Variants in SNX29 observed in about 807,000 individuals in gnomAD.
The protein encoded by SNX29 is sorting nexin-29.
Under a neutral mutation model 102.1 loss-of-function variants are expected in SNX29, and 78 were observed. The observed-to-expected ratio is 0.76, with a 90% CI of 0.64 to 0.92. The LOEUF (loss-of-function observed/expected upper bound fraction) is 0.92, where lower values mean the gene tolerates loss of function less well. Ranked by LOEUF, SNX29 falls within the 40% of genes least tolerant of loss-of-function variation. The pLI is 0.00. For missense variants in SNX29, 1,280 were observed against 1,061.7 expected, an observed-to-expected ratio of 1.21 and a Z score of -2.86; for synonymous variants, 580 against 414.5, an observed-to-expected ratio of 1.40 and a Z score of -4.85.
At chr16:12,280,524 C>T (rs554382519) in intron 15 of SNX29, among the ~76,000 whole-genome samples, 163 of 151,450 alleles carry the variant, frequency 1.1e-3, no homozygotes, top group Middle Eastern at 3.4e-3. Context: ...TCTTTTCCTT[C>T]TTGTTTGTTT....
intron 16 of SNX29, among the ~76,000 whole-genome samples, chr16:12,363,036 A>G (rs2082352014): frequency 6.6e-6 from 1 of 152,160 alleles, no homozygotes; most frequent in Admixed American, 6.5e-5. Flanking sequence ...TGCAGGACAG[A>G]GACAGCCATT....
At chr16:12,186,548 G>A (rs1403807839) in intron 13 of SNX29, among the ~76,000 whole-genome samples, 1 of 152,172 alleles carries the variant, frequency 6.6e-6, no homozygotes, top group Non-Finnish European at 1.5e-5. Context: ...ATTATGACGT[G>A]ATATTTAGGC....
chr16:12,297,587 T>C (rs1048185119), intron 15 of SNX29, among the ~76,000 whole-genome samples: 1 of 152,070 alleles, frequency 6.6e-6, no homozygotes, highest in Non-Finnish European at 1.5e-5. Flanking sequence ...TGTTGTGTTA[T>C]AAAGATCACA....
intron 14 of SNX29, among the ~76,000 whole-genome samples, chr16:12,235,745 C>T (rs1206852778): frequency 6.6e-6 from 1 of 151,706 alleles, no homozygotes; most frequent in Non-Finnish European, 1.5e-5. Flanking sequence ...GAACAGAAAA[C>T]TTAAACACAA....
At chr16:12,445,334 G>A (rs1428160133) in intron 18 of SNX29, among the ~76,000 whole-genome samples, 2 of 152,108 alleles carry the variant, frequency 1.3e-5, no homozygotes, top group African/African-American at 4.8e-5. Flanking sequence ...GTTTGCTGAG[G>A]CCTTATCGAG....
intron 11 of SNX29, among the ~76,000 whole-genome samples, chr16:12,094,366 G>A (rs1049447938): frequency 2.0e-5 from 3 of 152,170 alleles, no homozygotes; most frequent in African/African-American, 7.2e-5. Context: ...CAAAGGGTAC[G>A]TTGCTGACGA....
At chr16:12,141,285 C>G (rs964586229) in intron 13 of SNX29, among the ~76,000 whole-genome samples, 1 of 152,170 alleles carries the variant, frequency 6.6e-6, no homozygotes, top group African/African-American at 2.4e-5. Context: ...GTAGGCTGAT[C>G]TTGGTTGTGT....
At chr16:12,243,084 G>C (rs1260370562) in intron 14 of SNX29, among the ~76,000 whole-genome samples, 1 of 152,240 alleles carries the variant, frequency 6.6e-6, no homozygotes, top group Non-Finnish European at 1.5e-5. Context: ...CTGTGGGCTG[G>C]AATAATGGAA....
chr16:12,135,415 A>G, intron 13 of SNX29: 3 of 859,192 alleles, frequency 3.5e-6, no homozygotes, highest in South Asian at 1.6e-5. Context: ...CAGCCCACCC[A>G]GGCCTGGACA....
intron 15 of SNX29, among the ~76,000 whole-genome samples, chr16:12,342,321 G>C (rs921831528): frequency 1.3e-5 from 2 of 152,182 alleles, no homozygotes; most frequent in Admixed American, 1.3e-4. Context: ...CAAGATCTCG[G>C]TCATATCTTC....
intron 14 of SNX29, among the ~76,000 whole-genome samples, chr16:12,235,080 T>C (rs760997674): frequency 1.3e-5 from 2 of 152,204 alleles, no homozygotes; most frequent in East Asian, 1.9e-4. Flanking sequence ...CCTGCCCTTA[T>C]TCTGTCCCTC....
At chr16:12,221,919 G>T (rs1452136249) in intron 14 of SNX29, among the ~76,000 whole-genome samples, 1 of 152,188 alleles carries the variant, frequency 6.6e-6, no homozygotes, top group Non-Finnish European at 1.5e-5. Context: ...GTCACTGACC[G>T]TACCATCTCA....
chr16:12,019,035 T>G (rs908387607), intron 3 of SNX29, among the ~76,000 whole-genome samples: 2 of 152,210 alleles, frequency 1.3e-5, no homozygotes, highest in Non-Finnish European at 2.9e-5. Context: ...GCATTTTAAA[T>G]AATTGCATGA....
chr16:12,449,689 C>T (rs1041927750), intron 18 of SNX29, among the ~76,000 whole-genome samples: 15 of 152,160 alleles, frequency 9.9e-5, no homozygotes, highest in Non-Finnish European at 1.2e-4. Flanking sequence ...TCTGAGGTTA[C>T]GCAGGTTGCA....
intron 18 of SNX29, among the ~76,000 whole-genome samples, chr16:12,403,996 G>T (rs907393650): frequency 2.6e-5 from 4 of 152,152 alleles, no homozygotes; most frequent in Non-Finnish European, 4.4e-5. Flanking sequence ...GGTCTCACTG[G>T]TGTGTCCTGG....
chr16:12,535,389 G>A (rs1279580747), intron 20 of SNX29, among the ~76,000 whole-genome samples: 3 of 152,184 alleles, frequency 2.0e-5, no homozygotes, highest in Non-Finnish European at 4.4e-5. Context: ...ACCCATCTCG[G>A]CCTCCCAAAG....
intron 20 of SNX29, among the ~76,000 whole-genome samples, chr16:12,528,766 C>G (rs778836933): frequency 6.6e-6 from 1 of 152,232 alleles, no homozygotes; most frequent in Non-Finnish European, 1.5e-5. Flanking sequence ...ATCCACGTTA[C>G]TCATGATGCA....
intron 13 of SNX29, chr16:12,135,514 T>C (rs1184420002): frequency 7.6e-7 from 1 of 1,318,136 alleles, no homozygotes. Context: ...CTTGAGAGGA[T>C]GGTGCCAGCC....
intron 20 of SNX29, among the ~76,000 whole-genome samples, chr16:12,539,900 A>G (rs554955329): frequency 1.4e-4 from 21 of 152,342 alleles, no homozygotes; most frequent in Non-Finnish European, 2.6e-4. Flanking sequence ...GTGGTTTTAC[A>G]AAGATTTGAG....
Sources: allele counts gnomAD v4.1 joint callset (sites outside exome capture counted in the v4.1 genomes callset), GRCh38; gene constraint gnomAD v4.1.1; transcripts MANE v1.5; gene names NCBI Gene and HGNC (gene_info 2026-07-23, HGNC 2026-07-21).